PRKCQ: variants seen among roughly 807,000 people sequenced by gnomAD.
The protein encoded by PRKCQ is protein kinase C theta type.
In PRKCQ, 41 loss-of-function variants were observed where a neutral mutation model predicts 91.2. The ratio of observed to expected loss-of-function variants is 0.45; its 90% CI spans 0.35 to 0.58. The LOEUF (loss-of-function observed/expected upper bound fraction) is 0.58, where lower values mean the gene tolerates loss of function less well. Ranked by LOEUF, PRKCQ falls within the 20% of genes least tolerant of loss-of-function variation. The pLI is 0.00. For synonymous variants in PRKCQ, 307 were observed against 316.9 expected (o/e 0.97, Z 0.33); for missense variants, 673 against 896.5 (o/e 0.75, Z 3.18).
At chr10:6,448,318 T>G (rs767779501) in intron 15 of PRKCQ, among the ~76,000 whole-genome samples, 1 of 152,002 alleles carries the variant, frequency 6.6e-6, no homozygotes, top group East Asian at 1.9e-4. Context: ...GGTGGCAACT[T>G]TAGGGAGAAG....
At chr10:6,517,341 GT>G (rs35648620) in intron 1 of PRKCQ, among the ~76,000 whole-genome samples, 139,837 of 149,308 alleles carry the variant, frequency 0.94, 65,670 homozygotes, top group East Asian at 1. Flanking sequence ...CAAGTTTTGT[GT>G]TTTTTTTTTT....
At chr10:6,442,204 C>T (rs1382916135) in intron 15 of PRKCQ, 123 bp from the exon 16 acceptor site, 1 of 935,472 alleles carries the variant, frequency 1.1e-6, no homozygotes, top group Non-Finnish European at 1.5e-6. Flanking sequence ...GAAAGATCAC[C>T]CTGAAACCCA....
chr10:6,458,050 C>A (rs543692436), intron 14 of PRKCQ, among the ~76,000 whole-genome samples: 82 of 152,148 alleles, frequency 5.4e-4, no homozygotes, highest in Non-Finnish European at 9.7e-4. Context: ...AGCAAGCAGT[C>A]CTCCCACCTC....
At chr10:6,512,779 G>C (rs1385004095) in intron 2 of PRKCQ, among the ~76,000 whole-genome samples, 1 of 152,118 alleles carries the variant, frequency 6.6e-6, no homozygotes, top group African/African-American at 2.4e-5. Flanking sequence ...AGTTGAATAA[G>C]CTTGAAACTC....
chr10:6,561,732 G>C (rs776075814), intron 1 of PRKCQ, among the ~76,000 whole-genome samples: 67 of 152,290 alleles, frequency 4.4e-4, no homozygotes, highest in Non-Finnish European at 9.4e-4. Flanking sequence ...CACCATTCTC[G>C]CTGGTTTTTA....
chr10:6,566,209 G>A (rs1359125621), intron 1 of PRKCQ, among the ~76,000 whole-genome samples: 1 of 152,216 alleles, frequency 6.6e-6, no homozygotes, highest in African/African-American at 2.4e-5. Flanking sequence ...GCTAATTGTA[G>A]CTGAATGACT....
At chr10:6,559,664 C>CT in intron 1 of PRKCQ, among the ~76,000 whole-genome samples, 1 of 152,138 alleles carries the variant, frequency 6.6e-6, no homozygotes, top group East Asian at 1.9e-4. Flanking sequence ...TGGCCTGTAT[C>CT]TTTTTCTGTT....
the PRKCQ span, among the ~76,000 whole-genome samples, chr10:6,412,731 T>C: frequency 1.2e-4 from 18 of 152,236 alleles, no homozygotes; most frequent in Non-Finnish European, 2.4e-4. Flanking sequence ...TCACGTCATA[T>C]ATTAAATTCA....
chr10:6,456,388 G>C (rs1414354267), intron 15 of PRKCQ, among the ~76,000 whole-genome samples: 1 of 152,186 alleles, frequency 6.6e-6, no homozygotes, highest in African/African-American at 2.4e-5. Flanking sequence ...CTCTTCACTA[G>C]CTGTTCCTTC....
chr10:6,534,457 T>C (rs1217748278), intron 1 of PRKCQ, among the ~76,000 whole-genome samples: 1 of 152,110 alleles, frequency 6.6e-6, no homozygotes, highest in Non-Finnish European at 1.5e-5. Flanking sequence ...ATTACCTTTA[T>C]AAAATATGAA....
the PRKCQ span, among the ~76,000 whole-genome samples, chr10:6,394,948 G>T: frequency 6.6e-6 from 1 of 152,140 alleles, no homozygotes; most frequent in South Asian, 2.1e-4. Context: ...TAACCATCCA[G>T]TGGGTTCACC....
At chr10:6,527,115 T>C (rs1839227969) in intron 1 of PRKCQ, among the ~76,000 whole-genome samples, 1 of 152,284 alleles carries the variant, frequency 6.6e-6, no homozygotes, top group African/African-American at 2.4e-5. Flanking sequence ...CTAGATGGCA[T>C]GAGAAGATGA....
At chr10:6,499,897 C>G (rs185750482) in intron 4 of PRKCQ, among the ~76,000 whole-genome samples, 272 of 152,318 alleles carry the variant, frequency 1.8e-3, no homozygotes, top group African/African-American at 5.4e-3. Flanking sequence ...AAACCTCCCC[C>G]AGGAATCCAG....
Position 6,511,183 on chromosome 10 carries a change from T to A in PRKCQ, c.130A>T (p.Met44Leu). 1.9e-6 allele frequency: 3 copies of A among 1,613,988 alleles called. No individual in the cohort carries two copies. Among genetic ancestry groups the A allele is most frequent in the Non-Finnish European group, 1.7e-6 (2 of 1,179,946 alleles). ...KEYVESENGQ[M>L]YIQKKPTMYP... ...ATGGTAGGCTTTTTCTGGATATACA[T>A]CTGCCCGTTCTCTAGGAACAGAAAC... The change falls in exon 3 of 18, where the codon ATG (methionine) becomes TTG (leucine). Residue 44 changes from methionine (M) to leucine (L), a missense_variant. Coordinates refer to ENST00000263125, the MANE Select transcript of PRKCQ (RefSeq NM_006257.5).
At chr10:6,481,380 A>C (rs1311813182) in intron 11 of PRKCQ, among the ~76,000 whole-genome samples, 2 of 152,266 alleles carry the variant, frequency 1.3e-5, no homozygotes, top group African/African-American at 4.8e-5. Flanking sequence ...CCAAAAAGAC[A>C]ATTTCCATCT....
At chr10:6,573,345 A>T (rs1420261087) in intron 1 of PRKCQ, among the ~76,000 whole-genome samples, 1 of 152,234 alleles carries the variant, frequency 6.6e-6, no homozygotes, top group Non-Finnish European at 1.5e-5. Flanking sequence ...AAGAACAACA[A>T]CATTTCTGCT....
intron 1 of PRKCQ, among the ~76,000 whole-genome samples, chr10:6,578,933 G>C (rs549902217): frequency 6.6e-6 from 1 of 152,314 alleles, no homozygotes; most frequent in South Asian, 2.1e-4. Flanking sequence ...CTTAGGAATA[G>C]GGCTTGTCTA....
At chr10:6,438,590 C>T (rs1392465165) in intron 16 of PRKCQ, among the ~76,000 whole-genome samples, 1 of 152,058 alleles carries the variant, frequency 6.6e-6, no homozygotes, top group Non-Finnish European at 1.5e-5. Flanking sequence ...TTTAGATGTG[C>T]TAGACTCTTT....
chr10:6,516,378 T>C (rs519951), intron 1 of PRKCQ, among the ~76,000 whole-genome samples: 113,398 of 152,062 alleles, frequency 0.75, 43,080 homozygotes, highest in Admixed American at 0.85. Context: ...CTAAAGGAGA[T>C]GGTTGGGTAA....
Sources: gnomAD v4.1 joint callset for allele counts (sites outside exome capture counted in the v4.1 genomes callset) on GRCh38, gnomAD v4.1.1 for gene constraint, MANE v1.5 for transcripts, NCBI Gene and HGNC (gene_info 2026-07-23, HGNC 2026-07-21) for gene names.